Variants in RELN observed in about 807,000 individuals in gnomAD.
RELN encodes reelin.
In RELN, 108 loss-of-function variants were observed where a neutral mutation model predicts 427.6. The observed-to-expected ratio is 0.25, with a 90% CI of 0.22 to 0.30. RELN has a LOEUF of 0.30. Ranked by LOEUF, RELN falls within the 10% of genes least tolerant of loss-of-function variation. The pLI is 1.00. For missense variants in RELN, 3,715 were observed against 4,302.8 expected (o/e 0.86, Z 3.82); for synonymous variants, 1,524 against 1,513.4 (o/e 1.01, Z -0.16).
In RELN at chr7:103,878,315, C is replaced by A. The variant is rs375525860; in HGVS notation, c.337+38760G>T. Among the ~76,000 whole-genome samples the A allele has an allele frequency of 7.2e-5, 11 of 152,282 alleles. No homozygotes were observed. In the East Asian group the frequency reaches 9.6e-4, roughly 13 times the overall value. Reference sequence around the variant, plus strand: ...CCCTGACATTTGTACAGCCACTTTACCCTCAAGCTACCACTGTGACTTAGT... The same window carrying A: ...CCCTGACATTTGTACAGCCACTTTAACCTCAAGCTACCACTGTGACTTAGT... On this transcript the variant is annotated intron_variant, in intron 2 of 64. Coordinates refer to ENST00000428762, the MANE Select transcript of RELN (RefSeq NM_005045.4).
chr7:103,616,811 T>C (rs894250725), intron 20 of RELN, among the ~76,000 whole-genome samples: 3 of 152,176 alleles, frequency 2.0e-5, no homozygotes, highest in Non-Finnish European at 4.4e-5. Context: ...TTATAAAAAT[T>C]TGGTGAGGTT....
intron 20 of RELN, among the ~76,000 whole-genome samples, chr7:103,619,213 C>T (rs1274914142): frequency 6.6e-6 from 1 of 152,116 alleles, no homozygotes; most frequent in African/African-American, 2.4e-5. Context: ...GGTCAGATAA[C>T]TTCATGGGAG....
intron 41 of RELN, among the ~76,000 whole-genome samples, chr7:103,549,307 C>T (rs1163250502): frequency 6.6e-6 from 1 of 152,206 alleles, no homozygotes; most frequent in African/African-American, 2.4e-5. Flanking sequence ...TGCCTTCCTG[C>T]TGGGTCCTCA....
intron 2 of RELN, among the ~76,000 whole-genome samples, chr7:103,869,194 T>A (rs1381210482): frequency 6.6e-6 from 1 of 152,104 alleles, no homozygotes; most frequent in Admixed American, 6.6e-5. Context: ...AAGAAGGATG[T>A]GTACAGGGTC....
chr7:103,584,623 T>C (rs1831228282), intron 28 of RELN, among the ~76,000 whole-genome samples: 1 of 152,152 alleles, frequency 6.6e-6, no homozygotes. Flanking sequence ...TCGGTAGCTT[T>C]AACACCCCAA....
intron 4 of RELN, among the ~76,000 whole-genome samples, chr7:103,763,582 C>T (rs1791355331): frequency 6.6e-6 from 1 of 152,144 alleles, no homozygotes; most frequent in Admixed American, 6.5e-5. Context: ...AGCGCAACTT[C>T]ATCAGTTAGA....
At chr7:103,964,884 A>G (rs555670276) in intron 1 of RELN, among the ~76,000 whole-genome samples, 1 of 152,172 alleles carries the variant, frequency 6.6e-6, no homozygotes, top group Non-Finnish European at 1.5e-5. Flanking sequence ...CTGTGCATGC[A>G]TGTCAGCTCC....
Position 103,586,987 on chromosome 7 carries a change from C to T in RELN, c.4145+2609G>A, listed in dbSNP as rs557511834. Reference sequence around the variant, plus strand: ...GCAATCTACAGATGCAATGTAATTCCTATCAAATTACCAATGTCATTTTTC... The same window carrying T: ...GCAATCTACAGATGCAATGTAATTCTTATCAAATTACCAATGTCATTTTTC... On this transcript the variant is annotated intron_variant, in intron 28 of 64. Coordinates refer to ENST00000428762, the MANE Select transcript of RELN (RefSeq NM_005045.4). Among the ~76,000 whole-genome samples, 4 of 152,186 alleles carry T rather than the reference C, an allele frequency of 2.6e-5. No homozygotes were observed. In the East Asian group the frequency reaches 7.7e-4, roughly 29 times the overall value.
At chr7:103,729,183 T>C (rs1790289936) in intron 6 of RELN, among the ~76,000 whole-genome samples, 1 of 152,206 alleles carries the variant, frequency 6.6e-6, no homozygotes, top group South Asian at 2.1e-4. Flanking sequence ...CTATATTTCA[T>C]GCAGAAAGAA....
At chr7:103,844,262 T>A (rs1793623431) in intron 2 of RELN, among the ~76,000 whole-genome samples, 1 of 152,166 alleles carries the variant, frequency 6.6e-6, no homozygotes, top group African/African-American at 2.4e-5. Context: ...ACCTCCAATA[T>A]TCTCAAGCCT....
intron 50 of RELN, among the ~76,000 whole-genome samples, chr7:103,514,431 G>A (rs773013131): frequency 5.9e-5 from 9 of 152,124 alleles, no homozygotes; most frequent in Non-Finnish European, 1.0e-4. Flanking sequence ...AGGCCGAGGT[G>A]GGCAGATCAC....
chr7:103,581,007 T>A (rs1831118689), intron 28 of RELN, among the ~76,000 whole-genome samples: 1 of 152,058 alleles, frequency 6.6e-6, no homozygotes, highest in South Asian at 2.1e-4. Flanking sequence ...GTACAAGGGG[T>A]GCACAGCTGG....
At chr7:103,980,476 T>C (rs1356395244) in intron 1 of RELN, among the ~76,000 whole-genome samples, 1 of 152,194 alleles carries the variant, frequency 6.6e-6, no homozygotes, top group Non-Finnish European at 1.5e-5. Flanking sequence ...GTTTTCTCAT[T>C]TTTGAGATTA....
chr7:103,557,977 ATCTAAG>A lies in RELN; in HGVS notation c.5596_5601del (p.Leu1866_Arg1867del). ...AATTCATACTTACTTTTTGCTATAA[ATCTAAG>A]TGAAAACTGGACATACATTGTATTT... On this transcript the variant is annotated inframe_deletion, in exon 37 of 65. Transcript: ENST00000428762. 2 of 1,366,420 alleles carry A rather than the reference ATCTAAG, an allele frequency of 1.5e-6. No individual in the cohort carries two copies. The highest frequency in any genetic ancestry group is 2.1e-6 in the Non-Finnish European group (2 of 954,402). 84.6% of individuals were successfully genotyped at this position (1,366,420 alleles called of 1,614,324 possible). A position where few individuals can be genotyped will look rare whatever the true frequency, so the allele number is the denominator to read the frequency against.
At chr7:103,654,873 T>C (rs750845065) in intron 12 of RELN, among the ~76,000 whole-genome samples, 3 of 152,060 alleles carry the variant, frequency 2.0e-5, no homozygotes, top group Admixed American at 6.6e-5. Context: ...ACAGAGCAGG[T>C]ACTTGAAGCT....
chr7:103,773,970 G>C (rs1029890965), intron 4 of RELN, among the ~76,000 whole-genome samples: 2 of 152,122 alleles, frequency 1.3e-5, no homozygotes, highest in Admixed American at 6.6e-5. Flanking sequence ...CTAGGACAGA[G>C]GTCTTGCAGG....
chr7:103,514,389 G>A (rs909299481), intron 50 of RELN, among the ~76,000 whole-genome samples: 20 of 152,330 alleles, frequency 1.3e-4, no homozygotes, highest in African/African-American at 4.6e-4. Context: ...GCCGGGCATG[G>A]TGGCTCACGC....
At chr7:103,941,771 T>C (rs1796119690) in intron 1 of RELN, among the ~76,000 whole-genome samples, 1 of 152,092 alleles carries the variant, frequency 6.6e-6, no homozygotes, top group African/African-American at 2.4e-5. Context: ...CTGGTGACTT[T>C]TGGAAACTAA....
chr7:103,903,889 A>T (rs1193017235), intron 2 of RELN, among the ~76,000 whole-genome samples: 2 of 151,638 alleles, frequency 1.3e-5, no homozygotes, highest in Admixed American at 1.3e-4. Context: ...CAGAATGTGC[A>T]GGTTTGTTAC....
Sources: gnomAD v4.1 joint callset for allele counts (sites outside exome capture counted in the v4.1 genomes callset) on GRCh38, gnomAD v4.1.1 for gene constraint, MANE v1.5 for transcripts, NCBI Gene and HGNC (gene_info 2026-07-23, HGNC 2026-07-21) for gene names.